The following PTGER3 variants were observed in gnomAD, a reference collection of about 807,000 sequenced individuals.
PTGER3 encodes prostaglandin E2 receptor EP3 subtype.
In PTGER3, 22 loss-of-function variants were observed where a neutral mutation model predicts 34.7. That is an observed-to-expected ratio of 0.63 (90% CI 0.45 to 0.91). PTGER3 has a LOEUF of 0.91. Among genes scored for constraint, PTGER3 ranks in the 40% least tolerant of loss-of-function variants. The probability of loss-of-function intolerance (pLI) is 0.00; values close to 1 mark genes in which losing one functional copy is unlikely to be tolerated. For synonymous variants in PTGER3, 241 were observed against 230.1 expected (o/e 1.05, Z -0.43); for missense variants, 468 against 519.4 (o/e 0.90, Z 0.96).
intron 1 of PTGER3, among the ~76,000 whole-genome samples, chr1:71,016,831 A>C (rs994952755): frequency 6.6e-6 from 1 of 152,100 alleles, no homozygotes; most frequent in African/African-American, 2.4e-5. Flanking sequence ...TGTATATAAA[A>C]ACATTTCAAA....
At chr1:70,990,594 C>A (rs937432621) in intron 2 of PTGER3, among the ~76,000 whole-genome samples, 1 of 151,790 alleles carries the variant, frequency 6.6e-6, no homozygotes, top group Non-Finnish European at 1.5e-5. Flanking sequence ...AGTGGCATAA[C>A]CACAGCCTCC....
intron 2 of PTGER3, among the ~76,000 whole-genome samples, chr1:70,981,891 C>T (rs1654410641): frequency 1.3e-5 from 2 of 152,068 alleles, no homozygotes; most frequent in African/African-American, 4.8e-5. Context: ...ACTCATGGCC[C>T]TCCAGTGCAC....
chr1:70,981,868 C>A (rs1045448658), intron 2 of PTGER3, among the ~76,000 whole-genome samples: 3 of 152,110 alleles, frequency 2.0e-5, no homozygotes, highest in Non-Finnish European at 4.4e-5. Flanking sequence ...CCCTGGTACC[C>A]ATCAATCAAT....
chr1:71,028,159 C>T (rs550199526), intron 1 of PTGER3, among the ~76,000 whole-genome samples: 4 of 152,230 alleles, frequency 2.6e-5, no homozygotes, highest in African/African-American at 9.6e-5. Flanking sequence ...TGACCCCATC[C>T]CTAGCTACAG....
At chr1:71,015,596 T>C (rs1005612679) in intron 1 of PTGER3, among the ~76,000 whole-genome samples, 1 of 152,206 alleles carries the variant, frequency 6.6e-6, no homozygotes, top group African/African-American at 2.4e-5. Context: ...CTTTTTCCAC[T>C]AAGCTGATAA....
chr1:70,972,216 G>A (rs969391434), intron 3 of PTGER3, among the ~76,000 whole-genome samples: 1 of 152,044 alleles, frequency 6.6e-6, no homozygotes, highest in Non-Finnish European at 1.5e-5. Flanking sequence ...CCAGCTACTT[G>A]GGAGGCTGAG....
chr1:70,973,233 A>AGAT (rs1454062826), intron 3 of PTGER3, among the ~76,000 whole-genome samples: 7 of 121,196 alleles, frequency 5.8e-5, no homozygotes, highest in African/African-American at 1.5e-4. Flanking sequence ...ATAGATAGAT[A>AGAT]GATAGATAGA....
downstream of PTGER3, among the ~76,000 whole-genome samples, chr1:70,948,715 A>G (rs576903314): frequency 7.2e-5 from 11 of 152,308 alleles, no homozygotes; most frequent in East Asian, 2.1e-3. Flanking sequence ...ATACAGAAAC[A>G]GATAAGCATG....
At chr1:70,999,223 A>G (rs886232456) in intron 2 of PTGER3, among the ~76,000 whole-genome samples, 1 of 152,182 alleles carries the variant, frequency 6.6e-6, no homozygotes, top group Non-Finnish European at 1.5e-5. Flanking sequence ...TCCACTTTAT[A>G]TATCTATGGA....
intron 2 of PTGER3, among the ~76,000 whole-genome samples, chr1:70,980,231 A>G (rs1388409012): frequency 6.6e-6 from 1 of 152,158 alleles, no homozygotes; most frequent in African/African-American, 2.4e-5. Context: ...AATTGGAGAA[A>G]TAGAACTGTT....
chr1:70,888,054 T>C (rs1264297551), intron 4 of PTGER3, among the ~76,000 whole-genome samples: 1 of 152,242 alleles, frequency 6.6e-6, no homozygotes, highest in East Asian at 1.9e-4. Context: ...AGTTGACTAT[T>C]TGAAAATCAG....
rs546993428 is a variant in PTGER3, at chr1:71,008,902, T to A, written c.1077+3403A>T. 60 of 975,312 alleles carry A rather than the reference T, an allele frequency of 6.2e-5. No individual in the cohort carries two copies. In the African/African-American group the frequency reaches 1.0e-3, roughly 17 times the overall value. 60.4% of individuals were successfully genotyped at this position (975,312 alleles called of 1,614,324 possible). A position where few individuals can be genotyped will look rare whatever the true frequency, so the allele number is the denominator to read the frequency against. On this transcript the variant is annotated intron_variant, in intron 2 of 3. Coordinates refer to ENST00000306666, the MANE Select transcript of PTGER3 (RefSeq NM_198719.2). ...CTGTAGTCTCCCTGTGTCATTCAGCTCCTAGAATCCTGTGTATTGCAGGAG... is the reference window on the plus strand; with the variant it reads ...CTGTAGTCTCCCTGTGTCATTCAGCACCTAGAATCCTGTGTATTGCAGGAG...
chr1:71,020,282 T>C (rs1023232872), intron 1 of PTGER3, among the ~76,000 whole-genome samples: 1 of 152,180 alleles, frequency 6.6e-6, no homozygotes, highest in South Asian at 2.1e-4. Context: ...TTAGTAGAAT[T>C]TGTGCCATTT....
intron 4 of PTGER3, among the ~76,000 whole-genome samples, chr1:70,919,640 T>C (rs1647335552): frequency 6.6e-6 from 1 of 152,192 alleles, no homozygotes. Flanking sequence ...TGGGCATTTG[T>C]AATCTCTGCT....
chr1:70,954,839 C>A (rs1651150743), intron 2 of PTGER3, among the ~76,000 whole-genome samples: 1 of 132,604 alleles, frequency 7.5e-6, no homozygotes, highest in Non-Finnish European at 1.7e-5. Context: ...AAACACATGA[C>A]CGTTAAAAAA....
chr1:70,906,477 A>G (rs1166389843), intron 4 of PTGER3, among the ~76,000 whole-genome samples: 1 of 151,670 alleles, frequency 6.6e-6, no homozygotes, highest in Non-Finnish European at 1.5e-5. Context: ...AGCATCCCAA[A>G]TCAGTCATAT....
intron 2 of PTGER3, among the ~76,000 whole-genome samples, chr1:71,004,235 C>T (rs963889548): frequency 1.3e-5 from 2 of 152,116 alleles, no homozygotes; most frequent in Admixed American, 6.6e-5. Context: ...CAGATTAGGT[C>T]CCTCATTCTA....
intron 4 of PTGER3, among the ~76,000 whole-genome samples, chr1:70,856,437 T>C (rs1015406720): frequency 2.0e-5 from 2 of 99,708 alleles, no homozygotes; most frequent in African/African-American, 7.6e-5. Context: ...TGAAACTTCA[T>C]CTCAAAAAAA....
At chr1:70,869,703 A>G (rs1488404941) in intron 4 of PTGER3, among the ~76,000 whole-genome samples, 2 of 152,236 alleles carry the variant, frequency 1.3e-5, no homozygotes, top group East Asian at 3.8e-4. Context: ...AGGGCAGTCA[A>G]TAAATCTTAT....
Sources: allele counts gnomAD v4.1 joint callset (sites outside exome capture counted in the v4.1 genomes callset), GRCh38; gene constraint gnomAD v4.1.1; transcripts MANE v1.5; gene names NCBI Gene and HGNC (gene_info 2026-07-23, HGNC 2026-07-21).